The following DCC variants were observed in gnomAD, a reference collection of about 807,000 sequenced individuals.
DCC encodes netrin receptor DCC.
A neutral mutation model predicts 172.5 loss-of-function variants in DCC; 58 were observed. The observed-to-expected ratio is 0.34, with a 90% CI of 0.27 to 0.42. The LOEUF is 0.42. Among genes scored for constraint, DCC ranks in the 10% least tolerant of loss-of-function variants. The probability of loss-of-function intolerance (pLI) is 1.00; values close to 1 mark genes in which losing one functional copy is unlikely to be tolerated. For synonymous variants in DCC, 709 were observed against 644.5 expected, an observed-to-expected ratio of 1.10 and a Z score of -1.52; for missense variants, 1,740 against 1,791.0, an observed-to-expected ratio of 0.97 and a Z score of 0.51.
At chr18:53,295,038 A>G (rs1486349951) in intron 12 of DCC, among the ~76,000 whole-genome samples, 1 of 152,186 alleles carries the variant, frequency 6.6e-6, no homozygotes, top group African/African-American at 2.4e-5. Flanking sequence ...AGACATCTCC[A>G]TAAAATTTTA....
intron 1 of DCC, among the ~76,000 whole-genome samples, chr18:52,435,421 T>A (rs117808165): frequency 7.2e-4 from 110 of 152,226 alleles, no homozygotes; most frequent in Middle Eastern, 3.4e-3. Flanking sequence ...GATCTCCATA[T>A]CTCCCGTCTG....
chr18:52,956,359 C>G (rs1489368137), intron 5 of DCC, among the ~76,000 whole-genome samples: 1 of 151,982 alleles, frequency 6.6e-6, no homozygotes, highest in Non-Finnish European at 1.5e-5. Context: ...TGTCAATGAT[C>G]AATTGACTAC....
At chr18:52,748,973 G>A (rs1260478359) in intron 1 of DCC, among the ~76,000 whole-genome samples, 2 of 152,148 alleles carry the variant, frequency 1.3e-5, no homozygotes, top group Non-Finnish European at 2.9e-5. Context: ...GAGGCAGGTG[G>A]AACAACTGAG....
intron 18 of DCC, among the ~76,000 whole-genome samples, chr18:53,400,960 A>C (rs988612018): frequency 3.3e-5 from 5 of 152,174 alleles, no homozygotes; most frequent in African/African-American, 1.2e-4. Context: ...AAAGATTTTA[A>C]TTACTTCCAG....
At chr18:52,950,455 C>A (rs1237434668) in intron 5 of DCC, among the ~76,000 whole-genome samples, 1 of 152,176 alleles carries the variant, frequency 6.6e-6, no homozygotes, top group African/African-American at 2.4e-5. Context: ...AATTTGATAG[C>A]AGAAGGCTCT....
At chr18:52,995,648 T>C (rs1376795658) in intron 5 of DCC, among the ~76,000 whole-genome samples, 3 of 152,182 alleles carry the variant, frequency 2.0e-5, no homozygotes, top group East Asian at 3.9e-4. Flanking sequence ...GCTGTAGCCC[T>C]AGAATGGTGT....
intron 9 of DCC, among the ~76,000 whole-genome samples, chr18:53,187,806 T>G (rs528652550): frequency 9.2e-5 from 14 of 152,308 alleles, no homozygotes; most frequent in African/African-American, 3.4e-4. Context: ...AATGAGGAGT[T>G]GAGTTGGGAC....
intron 12 of DCC, among the ~76,000 whole-genome samples, chr18:53,283,164 G>A (rs937274619): frequency 6.6e-6 from 1 of 152,068 alleles, no homozygotes; most frequent in Non-Finnish European, 1.5e-5. Context: ...GCATCATAAA[G>A]CTTAAAGCAA....
At chr18:52,953,028 A>AAAC (rs2040682314) in intron 5 of DCC, among the ~76,000 whole-genome samples, 1 of 143,752 alleles carries the variant, frequency 7.0e-6, no homozygotes, top group Non-Finnish European at 1.5e-5. Flanking sequence ...AAAAAAAAAA[A>AAAC]CTCATAACAT....
intron 5 of DCC, among the ~76,000 whole-genome samples, chr18:52,947,736 G>T (rs1033951447): frequency 2.6e-5 from 4 of 152,152 alleles, no homozygotes; most frequent in Admixed American, 2.0e-4. Context: ...CATGCATGCT[G>T]CCAGACAGTT....
chr18:52,371,952 TC>T (rs757285754), intron 1 of DCC, among the ~76,000 whole-genome samples: 6 of 152,214 alleles, frequency 3.9e-5, no homozygotes, highest in Non-Finnish European at 7.3e-5. Context: ...GCCTGGAAGA[TC>T]CTTAATTGCA....
intron 1 of DCC, among the ~76,000 whole-genome samples, chr18:52,504,121 C>T (rs923919874): frequency 1.6e-4 from 24 of 152,098 alleles, no homozygotes; most frequent in East Asian, 9.6e-4. Context: ...TCCAGCTTCC[C>T]GTTCAAAGAG....
chr18:53,396,799 C>A (rs1599104528), intron 17 of DCC, among the ~76,000 whole-genome samples: 1 of 152,062 alleles, frequency 6.6e-6, no homozygotes, highest in African/African-American at 2.4e-5. Flanking sequence ...AACATTAAAA[C>A]TTATGCCAAA....
intron 2 of DCC, among the ~76,000 whole-genome samples, chr18:52,870,150 G>A (rs998713987): frequency 1.3e-5 from 2 of 152,176 alleles, no homozygotes; most frequent in Non-Finnish European, 2.9e-5. Flanking sequence ...AGTGCTGCAC[G>A]AGCTGCGGCC....
chr18:52,489,379 G>C (rs538478298), intron 1 of DCC, among the ~76,000 whole-genome samples: 1 of 152,222 alleles, frequency 6.6e-6, no homozygotes, highest in East Asian at 1.9e-4. Flanking sequence ...CAGAGGTTTT[G>C]CTGCATAATG....
intron 3 of DCC, among the ~76,000 whole-genome samples, chr18:52,913,146 A>G (rs2039995125): frequency 6.6e-6 from 1 of 152,034 alleles, no homozygotes; most frequent in South Asian, 2.1e-4. Context: ...AGAGCACAGG[A>G]GTAAATTGAC....
At chr18:53,456,242 T>A (rs898587589) in intron 23 of DCC, among the ~76,000 whole-genome samples, 1 of 152,160 alleles carries the variant, frequency 6.6e-6, no homozygotes, top group Non-Finnish European at 1.5e-5. Context: ...GAAGGCACTG[T>A]GGGCAGAAAT....
chr18:52,801,977 A>T (rs2037997216), intron 2 of DCC, among the ~76,000 whole-genome samples: 1 of 152,040 alleles, frequency 6.6e-6, no homozygotes, highest in Non-Finnish European at 1.5e-5. Context: ...TTTTAAGCCA[A>T]GTTATTTTGC....
intron 27 of DCC, among the ~76,000 whole-genome samples, chr18:53,512,465 G>A (rs1399526678): frequency 1.3e-5 from 2 of 151,114 alleles, no homozygotes; most frequent in African/African-American, 2.4e-5. Flanking sequence ...GATGGAGAAT[G>A]ACTTTGACGA....
Sources: gnomAD v4.1 joint callset for allele counts (sites outside exome capture counted in the v4.1 genomes callset) on GRCh38, gnomAD v4.1.1 for gene constraint, MANE v1.5 for transcripts, NCBI Gene and HGNC (gene_info 2026-07-23, HGNC 2026-07-21) for gene names.